The following CACNB2 variants were observed in gnomAD, a reference collection of about 807,000 sequenced individuals.
The protein encoded by CACNB2 is voltage-dependent L-type calcium channel subunit beta-2.
In CACNB2, 42 loss-of-function variants were observed where a neutral mutation model predicts 73.3. The observed-to-expected ratio is 0.57, with a 90% CI of 0.45 to 0.74. CACNB2 has a LOEUF of 0.74. Ranked by LOEUF, CACNB2 falls within the 30% of genes least tolerant of loss-of-function variation. The pLI is 0.00. For synonymous variants in CACNB2, 348 were observed against 310.3 expected (o/e 1.12, Z -1.28); for missense variants, 940 against 853.0 (o/e 1.10, Z -1.27).
At chr10:18,389,075 A>G (rs1462290928) in intron 2 of CACNB2, among the ~76,000 whole-genome samples, 7 of 152,230 alleles carry the variant, frequency 4.6e-5, no homozygotes, top group African/African-American at 1.7e-4. Flanking sequence ...CATTACAGGA[A>G]AAGAATTTAA....
At chr10:18,477,711 A>T (rs3899908) in intron 3 of CACNB2, among the ~76,000 whole-genome samples, 151,758 of 152,296 alleles carry the variant, frequency 1, 75,626 homozygotes, top group Middle Eastern at 1. Context: ...AATTCACATA[A>T]TGCAGGAGGA....
intron 2 of CACNB2, among the ~76,000 whole-genome samples, chr10:18,162,423 T>A (rs765546282): frequency 6.6e-6 from 1 of 152,220 alleles, no homozygotes; most frequent in Non-Finnish European, 1.5e-5. Context: ...TCTGGCTGAT[T>A]TGTTCAATGA....
chr10:18,441,565 A>G (rs2046412554), intron 3 of CACNB2, among the ~76,000 whole-genome samples: 1 of 152,030 alleles, frequency 6.6e-6, no homozygotes, highest in African/African-American at 2.4e-5. Context: ...TTACTGAGGT[A>G]TAATTGACAA....
rs762982462 is a variant in CACNB2 at position 18,464,418 on chromosome 10, T to TAAAAAAAA, written c.334-33922_334-33915dup. 2.3e-3 allele frequency among the ~76,000 whole-genome samples: 199 copies of TAAAAAAAA among 85,268 alleles called. 3 individuals are homozygous for TAAAAAAAA. The highest frequency in any genetic ancestry group is 7.2e-3 in the African/African-American group (180 of 24,932). The allele number at this position is 85,268 out of a possible 152,430, so 55.9% of individuals were successfully genotyped here. A position where few individuals can be genotyped will look rare whatever the true frequency, so the allele number is the denominator to read the frequency against. On this transcript the variant is annotated intron_variant, in intron 3 of 13. Coordinates refer to ENST00000324631, the MANE Select transcript of CACNB2 (RefSeq NM_201596.3). ...CAGAGTGAGACCCTGTCTCAAAAAT[T>TAAAAAAAA]AAAAAAAAAAAAAAAAAAAAAAGAA...
intron 3 of CACNB2, among the ~76,000 whole-genome samples, chr10:18,458,256 TAGTG>T (rs1010401087): frequency 2.3e-4 from 35 of 152,320 alleles, no homozygotes; most frequent in African/African-American, 7.7e-4. Context: ...AAGATAAAAA[TAGTG>T]AGATTCAAGT....
chr10:18,349,195 G>C (rs565282222), intron 2 of CACNB2, among the ~76,000 whole-genome samples: 2 of 152,338 alleles, frequency 1.3e-5, no homozygotes, highest in South Asian at 4.1e-4. Flanking sequence ...GGACATTGCA[G>C]GAGGTGTGAT....
At chr10:18,337,110 T>C (rs2041036847) in intron 2 of CACNB2, among the ~76,000 whole-genome samples, 1 of 152,104 alleles carries the variant, frequency 6.6e-6, no homozygotes, top group African/African-American at 2.4e-5. Flanking sequence ...GCTTTTCTTT[T>C]CTCTTCTTTC....
intron 2 of CACNB2, among the ~76,000 whole-genome samples, chr10:18,307,405 C>T (rs1400407786): frequency 4.6e-5 from 7 of 152,196 alleles, no homozygotes; most frequent in East Asian, 3.9e-4. Context: ...GAGGTTGTGG[C>T]GAGCCGAGAT....
chr10:18,286,915 C>T (rs774350011), intron 2 of CACNB2, among the ~76,000 whole-genome samples: 38 of 152,260 alleles, frequency 2.5e-4, no homozygotes, highest in African/African-American at 6.3e-4. Context: ...ACCTATTAAT[C>T]GACCCCATAG....
intron 2 of CACNB2, among the ~76,000 whole-genome samples, chr10:18,382,000 T>C (rs541237512): frequency 7.9e-5 from 12 of 152,148 alleles, no homozygotes; most frequent in African/African-American, 1.2e-4. Context: ...TTGAGAAGGA[T>C]TGAACTTACA....
chr10:18,261,451 T>C, intron 2 of CACNB2: 1 of 1,245,184 alleles, frequency 8.0e-7, no homozygotes, highest in Non-Finnish European at 1.1e-6. Context: ...TTTCGTACCA[T>C]GAGTTTTCAA....
chr10:18,465,446 T>G (rs371233429), intron 3 of CACNB2, among the ~76,000 whole-genome samples: 1 of 152,068 alleles, frequency 6.6e-6, no homozygotes. Flanking sequence ...TGGGAAAAAA[T>G]GTACAGATGA....
chr10:18,225,256 A>G (rs978048065), intron 2 of CACNB2, among the ~76,000 whole-genome samples: 1 of 151,710 alleles, frequency 6.6e-6, no homozygotes, highest in East Asian at 1.9e-4. Context: ...GGGATGGGGG[A>G]GGGTAAAGCC....
intron 3 of CACNB2, among the ~76,000 whole-genome samples, chr10:18,411,229 G>A (rs191696799): frequency 5.3e-5 from 8 of 151,282 alleles, no homozygotes; most frequent in Non-Finnish European, 1.0e-4. Flanking sequence ...GTTCAAATAC[G>A]CATTAGCTTA....
In CACNB2 at chr10:18,421,354, A is replaced by G. The variant is rs137934280; in HGVS notation, c.333+19311A>G. ...CTCTTGTTGCCCAGGCTGGAGTACA[A>G]TGGTGCAATCTTGGCCCCCTGCAAC... On this transcript the variant is annotated intron_variant, in intron 3 of 13. Transcript: ENST00000324631. 7.6e-3 allele frequency among the ~76,000 whole-genome samples: 1,156 copies of G among 151,638 alleles called. 23 individuals are homozygous for G. Among genetic ancestry groups the G allele is most frequent in the African/African-American group, 0.027 (1,096 of 41,302 alleles).
rs111422663 is a variant in CACNB2 at position 18,489,888 on chromosome 10, G to A, written c.334-8467G>A. 4.6e-3 allele frequency among the ~76,000 whole-genome samples: 699 copies of A among 151,988 alleles called. 4 individuals are homozygous for A. The highest frequency in any genetic ancestry group is 8.8e-3 in the Admixed American group (134 of 15,246). ...GACATGGCCTTGGTGTTTTAGTTTC[G>A]GTTTTTTGAGACAGGGTCTCTCTCT... On this transcript the variant is annotated intron_variant, in intron 3 of 13. Transcript: ENST00000324631.
intron 5 of CACNB2, among the ~76,000 whole-genome samples, chr10:18,503,190 G>T (rs2050302669): frequency 6.6e-6 from 1 of 152,182 alleles, no homozygotes; most frequent in Non-Finnish European, 1.5e-5. Flanking sequence ...TGTGCATTCT[G>T]CCTGCAGGGT....
In CACNB2 at chr10:18,186,546, G is replaced by C. The variant is rs185088737; in HGVS notation, c.213+35571G>C. On this transcript the variant is annotated intron_variant, in intron 2 of 13. Coordinates refer to ENST00000324631, the MANE Select transcript of CACNB2 (RefSeq NM_201596.3). ...CTGGCATCTCCTCAGCTTCCGGGGA[G>C]GCCTCAGGAAACTTACAGTCATGGT... Among the ~76,000 whole-genome samples the C allele has an allele frequency of 1.8e-3, 272 of 152,268 alleles. 1 individual carries two copies. The highest frequency in any genetic ancestry group is 3.4e-3 in the Middle Eastern group (1 of 294).
chr10:18,521,052 T>C (rs1052133055), intron 9 of CACNB2, among the ~76,000 whole-genome samples: 5 of 152,194 alleles, frequency 3.3e-5, no homozygotes, highest in Non-Finnish European at 7.3e-5. Context: ...ACATGAGCAG[T>C]GGCCAGATGA....
Sources: gnomAD v4.1 joint callset for allele counts (sites outside exome capture counted in the v4.1 genomes callset) on GRCh38, gnomAD v4.1.1 for gene constraint, MANE v1.5 for transcripts, NCBI Gene and HGNC (gene_info 2026-07-23, HGNC 2026-07-21) for gene names.